TSHZ2: variants seen among roughly 807,000 people sequenced by gnomAD.
TSHZ2 encodes teashirt zinc finger homeobox 2, also known as teashirt homolog 2.
A neutral mutation model predicts 74.4 loss-of-function variants in TSHZ2; 21 were observed. That is an observed-to-expected ratio of 0.28 (90% CI 0.20 to 0.41). The LOEUF is 0.41. Among genes scored for constraint, TSHZ2 ranks in the 10% least tolerant of loss-of-function variants. The probability of loss-of-function intolerance (pLI) is 1.00; values close to 1 mark genes in which losing one functional copy is unlikely to be tolerated. For synonymous variants in TSHZ2, 540 were observed against 515.3 expected, an observed-to-expected ratio of 1.05 and a Z score of -0.65; for missense variants, 1,244 against 1,293.5, an observed-to-expected ratio of 0.96 and a Z score of 0.59.
intron 2 of TSHZ2, among the ~76,000 whole-genome samples, chr20:53,386,803 T>C (rs1259769410): frequency 1.3e-5 from 2 of 152,042 alleles, no homozygotes; most frequent in African/African-American, 4.8e-5. Context: ...TTTTGCTACC[T>C]TCTATAATGA....
chr20:53,340,184 C>CTTTTTTTTTTT lies in TSHZ2; in HGVS notation c.*8+83619_*8+83629dup, dbSNP rs557613827. 8.3e-3 allele frequency among the ~76,000 whole-genome samples: 906 copies of CTTTTTTTTTTT among 109,576 alleles called. 11 individuals carry two copies. The highest frequency in any genetic ancestry group is 0.017 in the Middle Eastern group (3 of 176). The allele number at this position is 109,576 out of a possible 152,430, so 71.9% of individuals were successfully genotyped here. A position where few individuals can be genotyped will look rare whatever the true frequency, so the allele number is the denominator to read the frequency against. ...ACAAGGTGACTTTTCTTTCTTTTTT[C>CTTTTTTTTTTT]TTTTTTTTTTTTTTTTGAGATGGAG... On this transcript the variant is annotated intron_variant, in intron 2 of 2. Coordinates refer to ENST00000371497, the MANE Select transcript of TSHZ2 (RefSeq NM_173485.6).
chr20:53,364,794 C>T (rs974221425), intron 2 of TSHZ2, among the ~76,000 whole-genome samples: 12 of 152,234 alleles, frequency 7.9e-5, no homozygotes, highest in Non-Finnish European at 1.2e-4. Flanking sequence ...CCAACACCAG[C>T]GGAACTTGCA....
intron 1 of TSHZ2, among the ~76,000 whole-genome samples, chr20:53,084,694 T>TCTCC (rs1237166018): frequency 2.1e-4 from 4 of 19,394 alleles, no homozygotes; most frequent in East Asian, 5.7e-3. Flanking sequence ...TCCCTCCCTC[T>TCTCC]CTCCCTCTCT....
At chr20:53,400,629 C>CTTGA (rs1982622826) in intron 2 of TSHZ2, 2 of 152,250 alleles carry the variant, frequency 1.3e-5, no homozygotes. Context: ...AGTCCGCTTT[C>CTTGA]TTGATTGTAC....
chr20:53,444,214 TTGC>T (rs1483557983), intron 2 of TSHZ2, among the ~76,000 whole-genome samples: 1 of 152,206 alleles, frequency 6.6e-6, no homozygotes, highest in East Asian at 1.9e-4. Flanking sequence ...TGAGCTCTGT[TTGC>T]TGATTAGTCG....
chr20:53,059,115 A>T (rs8125257), intron 1 of TSHZ2, among the ~76,000 whole-genome samples: 2,159 of 150,230 alleles, frequency 0.014, 62 homozygotes, highest in African/African-American at 0.051. Flanking sequence ...AAGCCAGGTA[A>T]AATGAGTCCA....
At chr20:53,449,386 G>A (rs1984683238) in intron 2 of TSHZ2, among the ~76,000 whole-genome samples, 1 of 152,150 alleles carries the variant, frequency 6.6e-6, no homozygotes, top group East Asian at 1.9e-4. Context: ...TGAAATGGGT[G>A]GTAATTACCA....
intron 2 of TSHZ2, among the ~76,000 whole-genome samples, chr20:53,322,661 C>T (rs1197131142): frequency 1.3e-5 from 2 of 152,324 alleles, no homozygotes; most frequent in Non-Finnish European, 2.9e-5. Context: ...AGTGACTATC[C>T]AAGGCTTTCC....
At chr20:53,198,921 C>T (rs1316715297) in intron 1 of TSHZ2, among the ~76,000 whole-genome samples, 3 of 152,116 alleles carry the variant, frequency 2.0e-5, no homozygotes, top group Non-Finnish European at 4.4e-5. Context: ...CCATCTCTGT[C>T]CTAATCCTAA....
At chr20:53,417,241 G>GACAC (rs56822266) in intron 2 of TSHZ2, among the ~76,000 whole-genome samples, 2,814 of 138,070 alleles carry the variant, frequency 0.02, 73 homozygotes, top group African/African-American at 0.062. Context: ...GACACACACA[G>GACAC]ACACACACAC....
At position 53,494,692 on chromosome 20, in the gene TSHZ2, T is replaced by C. The variant is rs552981213; in HGVS notation, c.*7557T>C. 6.6e-6 allele frequency: 1 copy of C among 150,680 alleles called. No homozygotes were observed. The highest frequency in any genetic ancestry group is 2.1e-4 in the South Asian group (1 of 4,700). The allele number at this position is 150,680 out of a possible 1,614,324, so 9.3% of individuals were successfully genotyped here. On this transcript the variant is annotated 3_prime_UTR_variant, in exon 3 of 3. Transcript: ENST00000371497. ...TGAGAACTGTAATTAAAGCCCTAAA[T>C]AACAGACACTACTTTGTTGAGCTAT...
At chr20:53,166,234 G>A (rs1305331652) in intron 1 of TSHZ2, among the ~76,000 whole-genome samples, 3 of 152,154 alleles carry the variant, frequency 2.0e-5, no homozygotes, top group Non-Finnish European at 2.9e-5. Flanking sequence ...TATTAATCAA[G>A]TTAGTTTTGA....
At chr20:53,448,133 T>C (rs200596648) in intron 2 of TSHZ2, among the ~76,000 whole-genome samples, 1 of 152,158 alleles carries the variant, frequency 6.6e-6, no homozygotes, top group Non-Finnish European at 1.5e-5. Context: ...CAGGATGGTC[T>C]CGATCTGACC....
At chr20:53,333,119 C>T (rs1040190684) in intron 2 of TSHZ2, among the ~76,000 whole-genome samples, 2 of 152,222 alleles carry the variant, frequency 1.3e-5, no homozygotes, top group Non-Finnish European at 2.9e-5. Flanking sequence ...CCTGCTCACT[C>T]TTATATTACC....
At chr20:53,372,782 C>T (rs1981524008) in intron 2 of TSHZ2, among the ~76,000 whole-genome samples, 1 of 152,178 alleles carries the variant, frequency 6.6e-6, no homozygotes, top group African/African-American at 2.4e-5. Flanking sequence ...GGCTTTATTT[C>T]TTCTGATATT....
At chr20:53,455,728 A>C (rs1461447018) in intron 2 of TSHZ2, among the ~76,000 whole-genome samples, 1 of 149,230 alleles carries the variant, frequency 6.7e-6, no homozygotes, top group Non-Finnish European at 1.5e-5. Flanking sequence ...ACCCCACAAC[A>C]GTCCCCAGAG....
At chr20:53,023,649 G>T (rs1479381360) in intron 1 of TSHZ2, among the ~76,000 whole-genome samples, 1 of 148,242 alleles carries the variant, frequency 6.7e-6, no homozygotes, top group Non-Finnish European at 1.5e-5. Flanking sequence ...TTTTTTATGA[G>T]TTATCAAGTT....
intron 1 of TSHZ2, among the ~76,000 whole-genome samples, chr20:53,035,429 T>C (rs80227207): frequency 0.044 from 6,667 of 152,212 alleles, 282 homozygotes; most frequent in South Asian, 0.12. Context: ...TTTACATGGG[T>C]CCACTTAGTG....
intron 2 of TSHZ2, among the ~76,000 whole-genome samples, chr20:53,371,906 G>T (rs992612419): frequency 5.3e-5 from 8 of 150,938 alleles, no homozygotes; most frequent in Non-Finnish European, 1.2e-4. Flanking sequence ...AAAAGAGTCA[G>T]CAGGACATGC....
Sources: gnomAD v4.1 joint callset for allele counts (sites outside exome capture counted in the v4.1 genomes callset) on GRCh38, gnomAD v4.1.1 for gene constraint, MANE v1.5 for transcripts, NCBI Gene and HGNC (gene_info 2026-07-23, HGNC 2026-07-21) for gene names.